The following MAP9 variants were observed in gnomAD, a reference collection of about 807,000 sequenced individuals.
MAP9 encodes microtubule-associated protein 9.
A neutral mutation model predicts 75.2 loss-of-function variants in MAP9; 80 were observed. The observed-to-expected ratio is 1.06, with a 90% CI of 0.89 to 1.28. The LOEUF (loss-of-function observed/expected upper bound fraction) is 1.28, where lower values mean the gene tolerates loss of function less well. Ranked by LOEUF, MAP9 falls within the 50% of genes most tolerant of loss-of-function variation. MAP9 has a pLI of 0.00. For synonymous variants in MAP9, 235 were observed against 237.3 expected, an observed-to-expected ratio of 0.99 and a Z score of 0.09; for missense variants, 753 against 719.9, an observed-to-expected ratio of 1.05 and a Z score of -0.53.
At chr4:155,353,469 T>C in intron 10 of MAP9, 129 bp from the exon 11 acceptor site, 1 of 782,560 alleles carries the variant, frequency 1.3e-6, no homozygotes, top group Non-Finnish European at 1.7e-6. Context: ...TACTTAGAAA[T>C]TAACTTTCAA....
chr4:155,365,103 G>A (rs1732265732), intron 5 of MAP9, among the ~76,000 whole-genome samples: 1 of 151,840 alleles, frequency 6.6e-6, no homozygotes, highest in Admixed American at 6.6e-5. Flanking sequence ...ACATTAAAAG[G>A]CATAGATTGT....
chr4:155,357,500 T>C lies in MAP9; in HGVS notation c.1070A>G (p.Asn357Ser). 1 of 1,536,982 alleles carries C rather than the reference T, an allele frequency of 6.5e-7. No homozygotes were observed. Among genetic ancestry groups the C allele is most frequent in the Non-Finnish European group, 9.0e-7 (1 of 1,111,242 alleles). The change falls in exon 8 of 14, where the codon AAT (asparagine) becomes AGT (serine). Residue 357 changes from asparagine to serine, a missense_variant. Transcript: ENST00000311277. ...ASSKKTIEDRNIKNKKSTNNR... is the reference protein window; with the variant it reads ...ASSKKTIEDRSIKNKKSTNNR... ...ATTTGTTGACTTTTTATTCTTTATATTTCTATCTTCAATTGTTTTCTATTA... is the reference window on the plus strand; with the variant it reads ...ATTTGTTGACTTTTTATTCTTTATACTTCTATCTTCAATTGTTTTCTATTA...
Position 155,362,125 on chromosome 4 carries a change from C to A in MAP9, c.725G>T (p.Ser242Ile). The A allele has an allele frequency of 6.3e-7, 1 of 1,582,438 alleles. No individual in the cohort carries two copies. Among genetic ancestry groups the A allele is most frequent in the Non-Finnish European group, 8.6e-7 (1 of 1,169,134 alleles). The change falls in exon 6 of 14, where the codon AGT (serine) becomes ATT (isoleucine). Residue 242 changes from serine (S) to isoleucine (I), a missense_variant. Coordinates refer to ENST00000311277, the MANE Select transcript of MAP9 (RefSeq NM_001039580.2). ...TTGTTTAAGTGATGATGATGCTAGA[C>A]TTGTTAAGCATGAATCCTGTTTTCG... is the stretch of plus-strand genomic sequence containing the variant. ...NLDPEDSCLTSLASSSLKQIL... is the reference protein window; with the variant it reads ...NLDPEDSCLTILASSSLKQIL...
rs1480449417 is a variant in MAP9 at position 155,347,096 on chromosome 4, A to G, written c.*687T>C. On this transcript the variant is annotated 3_prime_UTR_variant, in exon 14 of 14. Coordinates refer to ENST00000311277, the MANE Select transcript of MAP9 (RefSeq NM_001039580.2). ...TGTCTTTTGGTATCACTGAAATAAT[A>G]AAGTGAGATAGAATTCAGAAAGAAA... is the stretch of plus-strand genomic sequence containing the variant. The G allele has an allele frequency of 6.6e-6, 1 of 152,238 alleles. No individual in the cohort carries two copies. The highest frequency in any genetic ancestry group is 1.5e-5 in the Non-Finnish European group (1 of 68,040). 9.4% of individuals were successfully genotyped at this position (152,238 alleles called of 1,614,324 possible). A position where few individuals can be genotyped will look rare whatever the true frequency, so the allele number is the denominator to read the frequency against.
Position 155,347,514 on chromosome 4 carries a change from C to T in MAP9, c.*269G>A, listed in dbSNP as rs1731326481. The T allele has an allele frequency of 3.5e-6, 1 of 289,848 alleles. No individual in the cohort carries two copies. The highest frequency in any genetic ancestry group is 5.1e-5 in the Admixed American group (1 of 19,778). 18.0% of individuals were successfully genotyped at this position (289,848 alleles called of 1,614,324 possible). On this transcript the variant is annotated 3_prime_UTR_variant, in exon 14 of 14. Transcript: ENST00000311277. ...ATGAAAAAGATCATGAATCACTCCA[C>T]CATAAGAATTATCAGGACATGATAA...
At chr4:155,357,288 C>T (rs917234795) in intron 8 of MAP9, 161 bp downstream of exon 8, 1 of 611,628 alleles carries the variant, frequency 1.6e-6, no homozygotes, top group Non-Finnish European at 2.9e-6. Context: ...ATATCATCAA[C>T]CAAGGGGTTT....
At chr4:155,349,865 T>C (rs1426177557) in intron 13 of MAP9, 2 of 154,202 alleles carry the variant, frequency 1.3e-5, no homozygotes, top group Non-Finnish European at 2.9e-5. Context: ...ATATGCTTCA[T>C]CTTACTAGCA....
chr4:155,353,045 A>G lies in MAP9; in HGVS notation c.1555T>C (p.Trp519Arg). 1 of 1,530,128 alleles carries G rather than the reference A, an allele frequency of 6.5e-7. No homozygotes were observed. Among genetic ancestry groups the G allele is most frequent in the Non-Finnish European group, 8.8e-7 (1 of 1,135,474 alleles). 94.8% of individuals were successfully genotyped at this position (1,530,128 alleles called of 1,614,324 possible). Residue 519 changes from tryptophan (W) to arginine (R), a missense_variant, in exon 12 of 14, where the codon TGG (tryptophan) becomes CGG (arginine). Physicochemically the swap from Trp to Arg is moderately radical, Grantham distance 101. Coordinates refer to ENST00000311277, the MANE Select transcript of MAP9 (RefSeq NM_001039580.2). The stretch of plus-strand genomic sequence containing the variant: ...AGATATTCCATCTTTTTCTCTTTCC[A>G]TTTTTCAAAAGCCTGAAAAAGTTCA... ...KGEALQAFEK[W>R]KEKKMEYLKE...
chr4:155,360,446 C>A (rs1405135564), intron 6 of MAP9, 31 bp from the exon 7 acceptor site: 1 of 1,581,570 alleles, frequency 6.3e-7, no homozygotes, highest in Non-Finnish European at 8.6e-7. Flanking sequence ...AGCATTAAAA[C>A]CCCCTTCTGA....
rs1578834867 is a variant in MAP9, at chr4:155,353,189, T to A, written c.1532A>T (p.Glu511Val). Residue 511 changes from glutamate (E) to valine (V), a missense_variant, in exon 11 of 14, where the codon GAA becomes GTA. Physicochemically the swap from Glu to Val is moderately radical, Grantham distance 121. Coordinates refer to ENST00000311277, the MANE Select transcript of MAP9 (RefSeq NM_001039580.2). ...CAAAGTTCTGAATACTTGTAGTGCTTCTCCTTTTCTTGCAGCATTTTCTTC... is the reference window on the plus strand; with the variant it reads ...CAAAGTTCTGAATACTTGTAGTGCTACTCCTTTTCTTGCAGCATTTTCTTC... ...TEEENAARKG[E>V]ALQAFEKWKE... The A allele has an allele frequency of 6.3e-7, 1 of 1,594,008 alleles. No homozygotes were observed. The highest frequency in any genetic ancestry group is 8.5e-7 in the Non-Finnish European group (1 of 1,172,940).
intron 7 of MAP9, among the ~76,000 whole-genome samples, chr4:155,359,684 T>TGA (rs1578845562): frequency 6.6e-6 from 1 of 152,050 alleles, no homozygotes; most frequent in East Asian, 1.9e-4. Context: ...CAAATACGAA[T>TGA]AATAATACTA....
rs1731169430 is a variant in MAP9 at position 155,343,089 on chromosome 4, GA to G, written c.*4693del. The G allele has an allele frequency of 6.6e-6, 1 of 151,734 alleles. No homozygotes were observed. The allele number at this position is 151,734 out of a possible 1,614,324, so 9.4% of individuals were successfully genotyped here. A position where few individuals can be genotyped will look rare whatever the true frequency, so the allele number is the denominator to read the frequency against. On this transcript the variant is annotated 3_prime_UTR_variant, in exon 14 of 14. Coordinates refer to ENST00000311277, the MANE Select transcript of MAP9 (RefSeq NM_001039580.2). ...ATATGTTCATGATATATCACTGAGT[GA>G]AAAAAATCTGGCTACCAAATATGTA... is the stretch of plus-strand genomic sequence containing the variant.
rs767247193 is a variant in MAP9, at chr4:155,362,115, T to C, written c.735A>G (p.Ser245=). The C allele has an allele frequency of 1.3e-6, 2 of 1,595,514 alleles. No individual in the cohort carries two copies. Among genetic ancestry groups the C allele is most frequent in the East Asian group, 2.2e-5 (1 of 44,602 alleles). The change falls in exon 6 of 14, where the codon TCA becomes TCG. Residue 245 remains serine, a synonymous_variant. Transcript: ENST00000311277. ...CTCCAAGAATTTGTTTAAGTGATGA[T>C]GATGCTAGACTTGTTAAGCATGAAT... ...PEDSCLTSLA[S]SSLKQILGDS...
chr4:155,374,821 T>C, intron 3 of MAP9, 116 bp downstream of exon 3: 1 of 506,706 alleles, frequency 2.0e-6, no homozygotes, highest in Non-Finnish European at 3.4e-6. Context: ...AGTGAATGCT[T>C]AGGTATTATT....
intron 5 of MAP9, among the ~76,000 whole-genome samples, chr4:155,366,535 G>A (rs1366095008): frequency 6.6e-6 from 1 of 152,072 alleles, no homozygotes. Flanking sequence ...TGACAAAGCC[G>A]AAGTGGTTCT....
chr4:155,349,684 T>C (rs1463996784), intron 13 of MAP9: 1 of 152,234 alleles, frequency 6.6e-6, no homozygotes, highest in East Asian at 1.9e-4. Context: ...TTCAGAATTT[T>C]AATTGAGAAA....
chr4:155,357,519 T>C lies in MAP9; in HGVS notation c.1051A>G (p.Lys351Glu). Residue 351 changes from lysine to glutamate, a missense_variant and splice_region_variant, in exon 8 of 14, where the codon AAA becomes GAA. By Grantham distance (56) the Lys-to-Glu change is moderately conservative (BLOSUM62 1). Coordinates refer to ENST00000311277, the MANE Select transcript of MAP9 (RefSeq NM_001039580.2). ...ISTSATASSK[K>E]TIEDRNIKNK... ...TTTATATTTCTATCTTCAATTGTTT[T>C]CTATTAAACAGAAAATGCCAAAGAT... 1 of 1,487,020 alleles carries C rather than the reference T, an allele frequency of 6.7e-7. No individual in the cohort carries two copies. Among genetic ancestry groups the C allele is most frequent in the Non-Finnish European group, 9.4e-7 (1 of 1,067,824 alleles). 92.1% of individuals were successfully genotyped at this position (1,487,020 alleles called of 1,614,324 possible).
rs1025707530 is a variant in MAP9 at position 155,347,105 on chromosome 4, T to C, written c.*678A>G. 3.3e-5 allele frequency: 5 copies of C among 152,146 alleles called. No homozygotes were observed. The highest frequency in any genetic ancestry group is 2.4e-5 in the African/African-American group (1 of 41,444). 9.4% of individuals were successfully genotyped at this position (152,146 alleles called of 1,614,324 possible). ...GTATCACTGAAATAATAAAGTGAGA[T>C]AGAATTCAGAAAGAAAAATTTCAGA... is the stretch of plus-strand genomic sequence containing the variant. On this transcript the variant is annotated 3_prime_UTR_variant, in exon 14 of 14. Coordinates refer to ENST00000311277, the MANE Select transcript of MAP9 (RefSeq NM_001039580.2).
At chr4:155,372,234 T>G (rs1371841008) in intron 4 of MAP9, among the ~76,000 whole-genome samples, 1 of 152,150 alleles carries the variant, frequency 6.6e-6, no homozygotes, top group Non-Finnish European at 1.5e-5. Flanking sequence ...GAAATAAAGT[T>G]TTGTCTGACG....
Sources: gnomAD v4.1 joint callset for allele counts (sites outside exome capture counted in the v4.1 genomes callset) on GRCh38, gnomAD v4.1.1 for gene constraint, MANE v1.5 for transcripts, NCBI Gene and HGNC (gene_info 2026-07-23, HGNC 2026-07-21) for gene names.